Variants in SLC66A1 observed in about 807,000 individuals in gnomAD.
SLC66A1 encodes the protein lysosomal amino acid transporter 1 homolog.
A neutral mutation model predicts 33.0 loss-of-function variants in SLC66A1; 23 were observed. That is an observed-to-expected ratio of 0.70 (90% confidence interval 0.50 to 0.99). SLC66A1 has a LOEUF of 0.99. Among genes scored for constraint, SLC66A1 ranks in the 50% least tolerant of loss-of-function variants. The pLI is 0.00. For synonymous variants in SLC66A1, 164 were observed against 175.5 expected (o/e 0.93, Z 0.52); for missense variants, 335 against 383.6 (o/e 0.87, Z 1.06).
At position 19,327,624 on chromosome 1, in the gene SLC66A1, G is replaced by T. The variant is rs1244068219; in HGVS notation, c.804+212G>T. 8 of 728,426 alleles carry T rather than the reference G, an allele frequency of 1.1e-5. No homozygotes were observed. In the East Asian group the frequency reaches 2.2e-4, roughly 20 times the overall value. 45.1% of individuals were successfully genotyped at this position (728,426 alleles called of 1,614,324 possible). Reference sequence around the variant, plus strand: ...CCAGCTGGACCCTGGAGCCGTGAGTGAGCAAGAACAGCCATGAGTGCCCCA... The same window carrying T: ...CCAGCTGGACCCTGGAGCCGTGAGTTAGCAAGAACAGCCATGAGTGCCCCA... On this transcript the variant is annotated intron_variant, in intron 7 of 7. Coordinates refer to ENST00000375153, the MANE Select transcript of SLC66A1 (RefSeq NM_001040125.2).
At chr1:19,315,577 GCCT>G (rs1275855670) in intron 1 of SLC66A1, among the ~76,000 whole-genome samples, 1 of 152,222 alleles carries the variant, frequency 6.6e-6, no homozygotes, top group Non-Finnish European at 1.5e-5. Flanking sequence ...GGGAGCCCAG[GCCT>G]CCTGACACAA....
rs1317653079 is a variant in SLC66A1 at position 19,328,716 on chromosome 1, G to A, written c.*73G>A. ...CCAGGCAGGAGGAGGTGTGGACAGT[G>A]ATGGTACGGCGGCCCTGCATCAGCC... On this transcript the variant is annotated 3_prime_UTR_variant, in exon 8 of 8. Coordinates refer to ENST00000375153, the MANE Select transcript of SLC66A1 (RefSeq NM_001040125.2). The surrounding 1 kb of genome is among the most constrained non-coding windows in gnomAD (Gnocchi z 4.7). The A allele has an allele frequency of 2.0e-5, 30 of 1,522,056 alleles. No individual in the cohort carries two copies. The highest frequency in any genetic ancestry group is 1.8e-4 in the Middle Eastern group (1 of 5,694). 94.3% of individuals were successfully genotyped at this position (1,522,056 alleles called of 1,614,324 possible).
chr1:19,332,046 T>C (rs2093893966), downstream of SLC66A1, among the ~76,000 whole-genome samples: 1 of 152,158 alleles, frequency 6.6e-6, no homozygotes, highest in African/African-American at 2.4e-5. Context: ...GCACCTGGCC[T>C]GCAGCTCATC....
Position 19,326,237 on chromosome 1 carries a change from G to A in SLC66A1, c.383-8G>A, listed in dbSNP as rs1305127661. 1 of 1,597,168 alleles carries A rather than the reference G, an allele frequency of 6.3e-7. No individual in the cohort carries two copies. Among genetic ancestry groups the A allele is most frequent in the Non-Finnish European group, 8.5e-7 (1 of 1,175,450 alleles). On this transcript the variant is annotated splice_region_variant and splice_polypyrimidine_tract_variant and intron_variant, in intron 4 of 7. Coordinates refer to ENST00000375153, the MANE Select transcript of SLC66A1 (RefSeq NM_001040125.2). ...TCTAACCTCAGCTTCCCCCTGCCTT[G>A]TGTGCAGTGTCTGCCCCCATCAACT...
At chr1:19,319,707 G>A (rs12743003) in intron 2 of SLC66A1, among the ~76,000 whole-genome samples, 48,668 of 147,124 alleles carry the variant, frequency 0.33, 8,054 homozygotes, top group Middle Eastern at 0.38. Context: ...GTTCAAGACC[G>A]GCCTGGCCAA....
Position 19,328,807 on chromosome 1 carries a change from C to A in SLC66A1, c.*164C>A. On this transcript the variant is annotated 3_prime_UTR_variant, in exon 8 of 8. Transcript: ENST00000375153. This position sits in a 1 kb window ranked among gnomAD's most constrained non-coding sequence, Gnocchi z 4.7. ...CCCAGGAACACACCTTCAGGTAGAC[C>A]CCGAAGCCTCAAGGCCGGGGCTGGA... The A allele has an allele frequency of 1.3e-6, 1 of 747,212 alleles. No individual in the cohort carries two copies. Among genetic ancestry groups the A allele is most frequent in the South Asian group, 1.8e-5 (1 of 55,452 alleles). 46.3% of individuals were successfully genotyped at this position (747,212 alleles called of 1,614,324 possible).
downstream of SLC66A1, among the ~76,000 whole-genome samples, chr1:19,333,733 C>T (rs562151519): frequency 1.8e-4 from 27 of 152,208 alleles, no homozygotes; most frequent in African/African-American, 6.0e-4. This position sits in a 1 kb window ranked among gnomAD's most constrained non-coding sequence, Gnocchi z 4.2. Context: ...AGGTGGATTG[C>T]GTAAGCTGAG....
At chr1:19,320,455 C>T (rs1401934664) in intron 2 of SLC66A1, among the ~76,000 whole-genome samples, 2 of 146,774 alleles carry the variant, frequency 1.4e-5, no homozygotes, top group Non-Finnish European at 3.0e-5. Flanking sequence ...GCTCTGTCGC[C>T]CAGGCTGGAG....
chr1:19,317,974 G>A (rs937748542), intron 2 of SLC66A1, 133 bp downstream of exon 2: 16 of 1,352,630 alleles, frequency 1.2e-5, no homozygotes, highest in African/African-American at 7.3e-5. Context: ...GTGTTCCCTC[G>A]ACAGGGACCT....
chr1:19,331,931 A>G (rs1391852771), downstream of SLC66A1, among the ~76,000 whole-genome samples: 2 of 152,188 alleles, frequency 1.3e-5, no homozygotes, highest in Non-Finnish European at 2.9e-5. Flanking sequence ...GGCAGGAGCT[A>G]TGGTTCCTTC....
intron 2 of SLC66A1, among the ~76,000 whole-genome samples, chr1:19,321,884 C>T (rs185876318): frequency 2.6e-5 from 4 of 152,248 alleles, no homozygotes; most frequent in East Asian, 1.9e-4. Context: ...CTTGTCCCAG[C>T]GCCAGGTGTT....
intron 4 of SLC66A1, 54 bp from the exon 5 acceptor site, chr1:19,326,191 A>G: frequency 1.9e-6 from 3 of 1,551,638 alleles, no homozygotes; most frequent in Non-Finnish European, 1.7e-6. Context: ...CCCTCCCCCG[A>G]CAACCGCTGC....
chr1:19,324,096 G>A (rs981801439), intron 2 of SLC66A1, among the ~76,000 whole-genome samples: 14 of 152,252 alleles, frequency 9.2e-5, no homozygotes, highest in Non-Finnish European at 1.3e-4. Flanking sequence ...AGCTCCAGGC[G>A]CCTCAGCCCC....
intron 1 of SLC66A1, among the ~76,000 whole-genome samples, chr1:19,314,301 C>A (rs895531175): frequency 6.6e-6 from 1 of 152,318 alleles, no homozygotes; most frequent in African/African-American, 2.4e-5. Context: ...AAGGTACCTT[C>A]CTCAAGACAA....
rs747202257 is a variant in SLC66A1 at position 19,326,637 on chromosome 1, AG to A, written c.618+18del. 2.5e-6 allele frequency: 4 copies of A among 1,613,086 alleles called. No individual in the cohort carries two copies. The East Asian group carries it at 8.9e-5, about 36-fold the overall frequency. On this transcript the variant is annotated intron_variant, in intron 6 of 7. Coordinates refer to ENST00000375153, the MANE Select transcript of SLC66A1 (RefSeq NM_001040125.2). Reference sequence around the variant, plus strand: ...ATCCGCACCAACGTGAGCCTCCAGCAGGGGCTGGGTGGGGCCGAGTAGAGGA... The same window carrying A: ...ATCCGCACCAACGTGAGCCTCCAGCAGGGCTGGGTGGGGCCGAGTAGAGGA...
rs776697791 is a variant in SLC66A1, at chr1:19,325,634, G to T, written c.382+52G>T. On this transcript the variant is annotated intron_variant, in intron 4 of 7. Coordinates refer to ENST00000375153, the MANE Select transcript of SLC66A1 (RefSeq NM_001040125.2). ...GATGCTCTACCAGCAGCAGGGGGCA[G>T]TTGTGGGGGGGGGCGCCTGGAGTGT... is the stretch of plus-strand genomic sequence containing the variant. 6.4e-5 allele frequency: 36 copies of T among 561,334 alleles called. 1 individual carries two copies. Among genetic ancestry groups the T allele is most frequent in the Middle Eastern group, 5.3e-4 (1 of 1,886 alleles). The allele number at this position is 561,334 out of a possible 1,614,324, so 34.8% of individuals were successfully genotyped here.
At chr1:19,314,156 C>T (rs369421703) in intron 1 of SLC66A1, among the ~76,000 whole-genome samples, 2 of 152,182 alleles carry the variant, frequency 1.3e-5, no homozygotes, top group African/African-American at 2.4e-5. Context: ...ACAGGAACTA[C>T]GCAGGATGGC....
At chr1:19,317,451 G>A (rs2093811917) in intron 1 of SLC66A1, 149 bp from the exon 2 acceptor site, 1 of 1,024,308 alleles carries the variant, frequency 9.8e-7, no homozygotes, top group Non-Finnish European at 1.3e-6. Context: ...GAGCTGATTG[G>A]GTCCTGGTGG....
chr1:19,316,168 A>G (rs747845341), intron 1 of SLC66A1, among the ~76,000 whole-genome samples: 5 of 152,070 alleles, frequency 3.3e-5, no homozygotes, highest in East Asian at 1.9e-4. Flanking sequence ...TGGCTTTGTC[A>G]TTGTGACGGT....
Sources: allele counts gnomAD v4.1 joint callset (sites outside exome capture counted in the v4.1 genomes callset), GRCh38; gene constraint gnomAD v4.1.1; non-coding constraint Gnocchi (gnomAD v3.1); transcripts MANE v1.5; gene names NCBI Gene and HGNC (gene_info 2026-07-23, HGNC 2026-07-21).